The following RALYL variants were observed in gnomAD, a reference collection of about 807,000 sequenced individuals.
The protein encoded by RALYL is RNA-binding Raly-like protein.
Under a neutral mutation model 35.1 loss-of-function variants are expected in RALYL, and 29 were observed. That is an observed-to-expected ratio of 0.83 (90% CI 0.61 to 1.13). The LOEUF (loss-of-function observed/expected upper bound fraction) is 1.13, where lower values mean the gene tolerates loss of function less well. Among genes scored for constraint, RALYL ranks in the 50% most tolerant of loss-of-function variants. The pLI is 0.00. For synonymous variants in RALYL, 120 were observed against 127.6 expected, an observed-to-expected ratio of 0.94 and a Z score of 0.40; for missense variants, 359 against 360.4, an observed-to-expected ratio of 1.00 and a Z score of 0.03.
At chr8:84,285,432 T>G (rs1187114773) in intron 1 of RALYL, among the ~76,000 whole-genome samples, 1 of 152,200 alleles carries the variant, frequency 6.6e-6, no homozygotes, top group Admixed American at 6.5e-5. Context: ...TTCCAATTTT[T>G]TAAGATACTA....
In RALYL at chr8:84,189,391, A is replaced by G. The variant is rs529095464; in HGVS notation, c.-24+4967A>G. Among the ~76,000 whole-genome samples, 8 of 152,324 alleles carry G rather than the reference A, an allele frequency of 5.3e-5. No individual in the cohort carries two copies. The South Asian group carries it at 1.2e-3, about 24-fold the overall frequency. ...GTGTTTAGAGAAAATGTTTATACAC[A>G]TTTTGATAGCCATATGCTAAATAAT... On this transcript the variant is annotated intron_variant, in intron 1 of 8. Transcript: ENST00000521268.
chr8:84,422,213 C>T (rs1485942380), intron 1 of RALYL, among the ~76,000 whole-genome samples: 2 of 122,706 alleles, frequency 1.6e-5, no homozygotes, highest in Non-Finnish European at 3.4e-5. Context: ...TTGATTATTG[C>T]CACAATTTCA....
At chr8:84,628,471 G>A (rs1336389188) in intron 2 of RALYL, among the ~76,000 whole-genome samples, 4 of 152,048 alleles carry the variant, frequency 2.6e-5, no homozygotes, top group Non-Finnish European at 4.4e-5. Context: ...TCCTTTGAGG[G>A]TAGACAAACT....
intron 2 of RALYL, among the ~76,000 whole-genome samples, chr8:84,660,608 A>C (rs1169467175): frequency 6.6e-6 from 1 of 151,758 alleles, no homozygotes; most frequent in East Asian, 1.9e-4. Context: ...TAACTATTAT[A>C]TTTAGATATT....
chr8:84,239,408 C>T (rs1030364137), intron 1 of RALYL, among the ~76,000 whole-genome samples: 28 of 152,156 alleles, frequency 1.8e-4, no homozygotes, highest in African/African-American at 6.3e-4. Context: ...AAATATACCT[C>T]AGTTAATAAT....
At chr8:84,891,528 T>C (rs912943034) in intron 8 of RALYL, among the ~76,000 whole-genome samples, 18 of 152,014 alleles carry the variant, frequency 1.2e-4, no homozygotes, top group African/African-American at 4.4e-4. Context: ...ACACAGAAAA[T>C]AGCTGATTAG....
chr8:84,900,811 C>T (rs923825243), intron 8 of RALYL, among the ~76,000 whole-genome samples: 3 of 152,050 alleles, frequency 2.0e-5, no homozygotes, highest in Non-Finnish European at 4.4e-5. Context: ...GCAAAAATAG[C>T]AATGGATGAA....
chr8:84,750,016 G>A (rs1317352453), intron 2 of RALYL, among the ~76,000 whole-genome samples: 1 of 152,118 alleles, frequency 6.6e-6, no homozygotes, highest in Non-Finnish European at 1.5e-5. Flanking sequence ...GAGAAGCCTG[G>A]AACAGAACCT....
At chr8:84,451,432 C>T (rs2049460584) in intron 1 of RALYL, among the ~76,000 whole-genome samples, 1 of 151,864 alleles carries the variant, frequency 6.6e-6, no homozygotes, top group South Asian at 2.1e-4. Flanking sequence ...CAACATTGAT[C>T]AATTAAATTC....
rs145462539 is a variant in RALYL, at chr8:84,487,506, T to G, written c.-23-41793T>G. ...TGGTTGGTTAATAGAAAAAGTCCTTTAAAGTATTAGATTTGTTGCCAGTTT... is the reference window on the plus strand; with the variant it reads ...TGGTTGGTTAATAGAAAAAGTCCTTGAAAGTATTAGATTTGTTGCCAGTTT... On this transcript the variant is annotated intron_variant, in intron 1 of 8. Coordinates refer to ENST00000521268, the MANE Select transcript of RALYL (RefSeq NM_173848.7). Among the ~76,000 whole-genome samples, 256 of 152,224 alleles carry G rather than the reference T, an allele frequency of 1.7e-3. 4 individuals are homozygous for G. In the East Asian group the frequency reaches 0.042, roughly 25 times the overall value.
intron 3 of RALYL, among the ~76,000 whole-genome samples, chr8:84,786,947 AT>A (rs1364673027): frequency 6.6e-6 from 1 of 152,248 alleles, no homozygotes; most frequent in Non-Finnish European, 1.5e-5. Context: ...AGAGAAAAAA[AT>A]AGAGCAAAAT....
At chr8:84,345,571 C>T (rs897282335) in intron 1 of RALYL, among the ~76,000 whole-genome samples, 7 of 151,894 alleles carry the variant, frequency 4.6e-5, no homozygotes, top group African/African-American at 1.5e-4. Context: ...ATGATATCAC[C>T]TTCAAAAGAA....
chr8:84,650,521 G>C (rs2131511877), intron 2 of RALYL, among the ~76,000 whole-genome samples: 1 of 152,130 alleles, frequency 6.6e-6, no homozygotes, highest in African/African-American at 2.4e-5. Context: ...ACCACAATGA[G>C]ATACCATCTC....
intron 3 of RALYL, among the ~76,000 whole-genome samples, chr8:84,797,161 T>C (rs1219003023): frequency 6.6e-6 from 1 of 152,206 alleles, no homozygotes; most frequent in Non-Finnish European, 1.5e-5. Context: ...GTGGAAAGCA[T>C]CACATGGTGA....
chr8:84,306,150 C>T (rs1278068702), intron 1 of RALYL, among the ~76,000 whole-genome samples: 4 of 150,144 alleles, frequency 2.7e-5, no homozygotes, highest in Non-Finnish European at 4.4e-5. Context: ...GGTGACAGAG[C>T]GAGACTCCGT....
chr8:84,556,547 C>T (rs2061134605), intron 2 of RALYL, among the ~76,000 whole-genome samples: 1 of 152,150 alleles, frequency 6.6e-6, no homozygotes, highest in Non-Finnish European at 1.5e-5. Flanking sequence ...TATTTATTCA[C>T]ATCCCTAACA....
chr8:84,506,676 T>TA (rs1190608313), intron 1 of RALYL, among the ~76,000 whole-genome samples: 1 of 152,026 alleles, frequency 6.6e-6, no homozygotes, highest in Non-Finnish European at 1.5e-5. Context: ...TTATTTTATC[T>TA]AAAATATGAT....
At chr8:84,525,131 G>A (rs2058778613) in intron 1 of RALYL, among the ~76,000 whole-genome samples, 1 of 151,590 alleles carries the variant, frequency 6.6e-6, no homozygotes. Context: ...TAACTTTTTG[G>A]ATAGTATAGA....
At chr8:84,427,275 C>T (rs942460962) in intron 1 of RALYL, among the ~76,000 whole-genome samples, 5 of 152,190 alleles carry the variant, frequency 3.3e-5, no homozygotes, top group African/African-American at 4.8e-5. Context: ...AGCTTCTCCC[C>T]TCAGGCCCTC....
Sources: allele counts gnomAD v4.1 joint callset (sites outside exome capture counted in the v4.1 genomes callset), GRCh38; gene constraint gnomAD v4.1.1; transcripts MANE v1.5; gene names NCBI Gene and HGNC (gene_info 2026-07-23, HGNC 2026-07-21).